NUFIP1: variants seen among roughly 807,000 people sequenced by gnomAD.
NUFIP1 encodes nuclear FMR1 interacting protein 1.
NUFIP1 carries 38 observed loss-of-function variants against 56.2 expected under a neutral mutation model. The ratio of observed to expected loss-of-function variants is 0.68; its 90% CI spans 0.52 to 0.89. The LOEUF (loss-of-function observed/expected upper bound fraction) is 0.89, where lower values mean the gene tolerates loss of function less well. Ranked by LOEUF, NUFIP1 falls within the 40% of genes least tolerant of loss-of-function variation. The pLI is 0.00. For synonymous variants in NUFIP1, 215 were observed against 212.4 expected (o/e 1.01, Z -0.10); for missense variants, 567 against 605.8 (o/e 0.94, Z 0.67).
intron 2 of NUFIP1, among the ~76,000 whole-genome samples, chr13:44,981,659 A>G (rs1872194326): frequency 6.6e-6 from 1 of 152,082 alleles, no homozygotes; most frequent in African/African-American, 2.4e-5. Flanking sequence ...AAAACTACAA[A>G]AATTAGCCAG....
At chr13:44,947,348 C>T (rs1870935375) in intron 8 of NUFIP1, among the ~76,000 whole-genome samples, 1 of 150,232 alleles carries the variant, frequency 6.7e-6, no homozygotes, top group Non-Finnish European at 1.5e-5. Context: ...AAGCAATTCT[C>T]CTGTCTCAGC....
chr13:44,945,980 G>A (rs1187152458), intron 8 of NUFIP1, among the ~76,000 whole-genome samples: 1 of 152,090 alleles, frequency 6.6e-6, no homozygotes, highest in African/African-American at 2.4e-5. Flanking sequence ...GTGCCAGACT[G>A]TTAGGTTCAA....
At chr13:44,948,141 CTTTTTTTTTT>C (rs61398364) in intron 8 of NUFIP1, among the ~76,000 whole-genome samples, 2 of 120,858 alleles carry the variant, frequency 1.7e-5, no homozygotes, top group African/African-American at 7.1e-5. Context: ...ACTACATTTC[CTTTTTTTTTT>C]TTTTTTTTTT....
intron 1 of NUFIP1, among the ~76,000 whole-genome samples, chr13:44,983,610 A>G (rs1227998608): frequency 6.6e-6 from 1 of 152,162 alleles, no homozygotes. Flanking sequence ...CAGCCTGAGC[A>G]GCCTGGCGAA....
chr13:44,972,919 T>C (rs1442066445), intron 5 of NUFIP1, among the ~76,000 whole-genome samples: 1 of 152,240 alleles, frequency 6.6e-6, no homozygotes, highest in African/African-American at 2.4e-5. Flanking sequence ...AAATACTGAA[T>C]GTTTACCTCT....
intron 8 of NUFIP1, among the ~76,000 whole-genome samples, chr13:44,944,553 C>T (rs1870850356): frequency 6.6e-6 from 1 of 151,990 alleles, no homozygotes; most frequent in Non-Finnish European, 1.5e-5. Context: ...ACAGAAAATT[C>T]GTAGGGATAC....
rs1593375273 is a variant in NUFIP1 at position 44,989,389 on chromosome 13, C to G, written c.48G>C (p.Ala16=). 1 of 1,613,578 alleles carries G rather than the reference C, an allele frequency of 6.2e-7. No homozygotes were observed. The highest frequency in any genetic ancestry group is 2.2e-5 in the East Asian group (1 of 44,844). Residue 16 remains alanine, a synonymous_variant, in exon 1 of 10, where the codon GCG becomes GCC. Transcript: ENST00000379161. ...CTAACGTGGGAGTCAGCTCGGGAGA[C>G]GCATGCCACCCGATAGGAGTCTCGA... is the stretch of plus-strand genomic sequence containing the variant. ...SDFETPIGWH[A]SPELTPTLGP... is the part of the protein sequence containing the mutation.
At position 44,966,566 on chromosome 13, in the gene NUFIP1, C is replaced by A. The variant is rs564623766; in HGVS notation, c.735-630G>T. Reference sequence around the variant, plus strand: ...CTGACCTCAGGTGACCCACCTGCCTCAGCCTCCCCAAATGCTGGGATTACA... The same window carrying A: ...CTGACCTCAGGTGACCCACCTGCCTAAGCCTCCCCAAATGCTGGGATTACA... On this transcript the variant is annotated intron_variant, in intron 5 of 9. Transcript: ENST00000379161. Among the ~76,000 whole-genome samples the A allele has an allele frequency of 2.6e-5, 4 of 152,216 alleles. No homozygotes were observed. In the South Asian group the frequency reaches 8.3e-4, roughly 32 times the overall value.
In NUFIP1 at chr13:44,941,122, GA is replaced by G. The variant is rs59807376; in HGVS notation, c.*83del. 2.9e-6 allele frequency: 2 copies of G among 681,250 alleles called. No individual in the cohort carries two copies. Among genetic ancestry groups the G allele is most frequent in the Non-Finnish European group, 2.5e-6 (1 of 396,076 alleles). 42.2% of individuals were successfully genotyped at this position (681,250 alleles called of 1,614,324 possible). On this transcript the variant is annotated 3_prime_UTR_variant, in exon 10 of 10. Transcript: ENST00000379161. ...TTTAATTACAAATCCAATTTTGACGGAAAAAAGGGTTTTGGTTTTCCTCTAC... is the reference window on the plus strand; with the variant it reads ...TTTAATTACAAATCCAATTTTGACGGAAAAAGGGTTTTGGTTTTCCTCTAC...
chr13:44,944,187 A>C (rs1173640314), intron 8 of NUFIP1, among the ~76,000 whole-genome samples: 1 of 152,178 alleles, frequency 6.6e-6, no homozygotes, highest in Non-Finnish European at 1.5e-5. Flanking sequence ...TTGAAAGTAC[A>C]CGATGAAAAG....
chr13:44,955,988 A>C (rs1312851247), intron 7 of NUFIP1, among the ~76,000 whole-genome samples: 1 of 151,534 alleles, frequency 6.6e-6, no homozygotes, highest in African/African-American at 2.4e-5. Context: ...CTAAAAATAC[A>C]AAAAATTAGC....
At chr13:44,971,294 T>C (rs1871796866) in intron 5 of NUFIP1, among the ~76,000 whole-genome samples, 1 of 152,110 alleles carries the variant, frequency 6.6e-6, no homozygotes, top group Non-Finnish European at 1.5e-5. Context: ...TTTAAACACC[T>C]CTAAATTTCA....
At chr13:44,965,623 G>A (rs1032239938) in intron 6 of NUFIP1, among the ~76,000 whole-genome samples, 18 of 152,330 alleles carry the variant, frequency 1.2e-4, no homozygotes, top group South Asian at 8.3e-4. Context: ...AAACCTGGGA[G>A]GTGGAACTTG....
intron 7 of NUFIP1, among the ~76,000 whole-genome samples, chr13:44,953,525 A>G (rs1871141317): frequency 6.6e-6 from 1 of 152,122 alleles, no homozygotes; most frequent in Non-Finnish European, 1.5e-5. Flanking sequence ...GTATAGACTC[A>G]TGGGTATTTA....
chr13:44,945,673 A>C (rs945669236), intron 8 of NUFIP1, among the ~76,000 whole-genome samples: 2 of 152,068 alleles, frequency 1.3e-5, no homozygotes, highest in Admixed American at 6.5e-5. Context: ...TTTGAAAATC[A>C]ATTGACATTT....
chr13:44,967,942 A>T (rs1022783466), intron 5 of NUFIP1, among the ~76,000 whole-genome samples: 21 of 118,474 alleles, frequency 1.8e-4, no homozygotes, highest in African/African-American at 7.1e-4. Context: ...CTTCTAGGAC[A>T]CTTCTCTACC....
At position 44,979,338 on chromosome 13, in the gene NUFIP1, T is replaced by G. The variant is rs373373074; in HGVS notation, c.658-72A>C. The G allele has an allele frequency of 7.6e-5, 94 of 1,235,772 alleles. No individual in the cohort carries two copies. The African/African-American group carries it at 1.3e-3, about 16-fold the overall frequency. The allele number at this position is 1,235,772 out of a possible 1,614,324, so 76.6% of individuals were successfully genotyped here. On this transcript the variant is annotated intron_variant, in intron 4 of 9. Coordinates refer to ENST00000379161, the MANE Select transcript of NUFIP1 (RefSeq NM_012345.3). Reference sequence around the variant, plus strand: ...TTTTGACTAACTTGGAGACTTTGTTTCTACAAGTAAACTTATGTTGGACAC... The same window carrying G: ...TTTTGACTAACTTGGAGACTTTGTTGCTACAAGTAAACTTATGTTGGACAC...
intron 6 of NUFIP1, among the ~76,000 whole-genome samples, chr13:44,961,363 T>C (rs1871417822): frequency 6.6e-6 from 1 of 152,216 alleles, no homozygotes; most frequent in Non-Finnish European, 1.5e-5. Context: ...AGCCTAAGCC[T>C]GTTTACTCCT....
intron 6 of NUFIP1, among the ~76,000 whole-genome samples, chr13:44,963,944 T>A (rs1357641177): frequency 2.0e-5 from 3 of 152,238 alleles, no homozygotes; most frequent in Non-Finnish European, 4.4e-5. Context: ...CATCTTGCTT[T>A]AACATCTATT....
Sources: allele counts gnomAD v4.1 joint callset (sites outside exome capture counted in the v4.1 genomes callset), GRCh38; gene constraint gnomAD v4.1.1; transcripts MANE v1.5; gene names NCBI Gene and HGNC (gene_info 2026-07-23, HGNC 2026-07-21).